C3orf70: variants seen among roughly 807,000 people sequenced by gnomAD.
C3orf70 encodes the protein chromosome 3 open reading frame 70, also known as UPF0524 protein C3orf70.
A neutral mutation model predicts 20.7 loss-of-function variants in C3orf70; 15 were observed. The observed-to-expected ratio is 0.72, with a 90% CI of 0.48 to 1.11. The LOEUF (loss-of-function observed/expected upper bound fraction) is 1.11. Among genes scored for constraint, C3orf70 ranks in the 50% most tolerant of loss-of-function variants. The pLI is 0.00. For missense variants in C3orf70, 332 were observed against 317.6 expected, an observed-to-expected ratio of 1.05 and a Z score of -0.34; for synonymous variants, 161 against 125.7, an observed-to-expected ratio of 1.28 and a Z score of -1.88.
At chr3:185,095,620 G>C (rs1410455247) in intron 1 of C3orf70, among the ~76,000 whole-genome samples, 1 of 151,784 alleles carries the variant, frequency 6.6e-6, no homozygotes, top group African/African-American at 2.4e-5. Flanking sequence ...GACTCAACAT[G>C]TTTACTGGTT....
At chr3:185,097,810 C>T (rs2108591355) in intron 1 of C3orf70, among the ~76,000 whole-genome samples, 1 of 152,334 alleles carries the variant, frequency 6.6e-6, no homozygotes, top group South Asian at 2.1e-4. Context: ...ACGTTCTAGA[C>T]AAAACTGGAG....
At position 185,088,837 on chromosome 3, in the gene C3orf70, T is replaced by A. The variant is rs1043438286; in HGVS notation, c.197-5274A>T. On this transcript the variant is annotated intron_variant, in intron 1 of 1. Transcript: ENST00000335012. ...TGGTGTTTGCCAAACTGATTTTTTT[T>A]AAACCACACACCATGATTCTTCAGA... 3.3e-5 allele frequency among the ~76,000 whole-genome samples: 5 copies of A among 152,344 alleles called. No homozygotes were observed. In the South Asian group the frequency reaches 1.0e-3, roughly 32 times the overall value.
chr3:185,113,573 C>T (rs939166301), intron 1 of C3orf70, among the ~76,000 whole-genome samples: 1 of 152,088 alleles, frequency 6.6e-6, no homozygotes, highest in Non-Finnish European at 1.5e-5. Context: ...CTAGTAAAAG[C>T]ATTTCTTGAA....
At chr3:185,136,765 A>C (rs1716633912) in intron 1 of C3orf70, among the ~76,000 whole-genome samples, 1 of 138,504 alleles carries the variant, frequency 7.2e-6, no homozygotes, top group Non-Finnish European at 1.6e-5. Flanking sequence ...CACAAAAATT[A>C]GCCGGGTATG....
At position 185,083,259 on chromosome 3, in the gene C3orf70, G is replaced by A. The variant is rs567520803; in HGVS notation, c.501C>T (p.Ala167=). The stretch of plus-strand genomic sequence containing the variant: ...GTGTATTGCTCTCTTTTGAAATTAA[G>A]GCATCGTGTGCAGAGACCTCCTCAG... ...MSPEEVSAHD[A]LISKESNTPK... is the part of the protein sequence containing the mutation. Residue 167 remains alanine (A), a synonymous_variant, in exon 2 of 2, where the codon GCC becomes GCT. Transcript: ENST00000335012. 6.2e-7 allele frequency: 1 copy of A among 1,614,194 alleles called. No homozygotes were observed. The highest frequency in any genetic ancestry group is 1.1e-5 in the South Asian group (1 of 91,080).
chr3:185,140,804 AG>A (rs1451807096), intron 1 of C3orf70, among the ~76,000 whole-genome samples: 5 of 148,664 alleles, frequency 3.4e-5, no homozygotes, highest in Non-Finnish European at 6.0e-5. Context: ...AAAAAAAAAA[AG>A]AAAAATACAA....
At position 185,122,098 on chromosome 3, in the gene C3orf70, CA is replaced by C. The variant is rs759419036; in HGVS notation, c.196+30529del. On this transcript the variant is annotated intron_variant, in intron 1 of 1. Transcript: ENST00000335012. ...TGGGTGACAGAGCGAGACTCCGTCT[CA>C]AAAAAAAAAAAAAAAAAGCAAGAGT... Among the ~76,000 whole-genome samples, 144 of 59,010 alleles carry C rather than the reference CA, an allele frequency of 2.4e-3. 1 individual carries two copies. Among genetic ancestry groups the C allele is most frequent in the Middle Eastern group, 0.018 (2 of 112 alleles). 38.7% of individuals were successfully genotyped at this position (59,010 alleles called of 152,430 possible).
rs1000069573 is a variant in C3orf70, at chr3:185,078,782, T to C, written c.*4225A>G. 2.0e-5 allele frequency: 3 copies of C among 152,192 alleles called. No homozygotes were observed. The highest frequency in any genetic ancestry group is 2.1e-4 in the South Asian group (1 of 4,836). The allele number at this position is 152,192 out of a possible 1,614,324, so 9.4% of individuals were successfully genotyped here. On this transcript the variant is annotated 3_prime_UTR_variant, in exon 2 of 2. Transcript: ENST00000335012. ...TTTTGCAAACAAGATGTGGGAATATTAAGAGCTGACTGTAGAAATATTTTA... is the reference window on the plus strand; with the variant it reads ...TTTTGCAAACAAGATGTGGGAATATCAAGAGCTGACTGTAGAAATATTTTA...
At chr3:185,105,365 G>A (rs1715912529) in intron 1 of C3orf70, among the ~76,000 whole-genome samples, 1 of 152,250 alleles carries the variant, frequency 6.6e-6, no homozygotes, top group Non-Finnish European at 1.5e-5. Context: ...GCCCACTCAG[G>A]GTGGAAAACC....
intron 1 of C3orf70, among the ~76,000 whole-genome samples, chr3:185,107,777 T>G (rs1402155955): frequency 6.6e-6 from 1 of 152,210 alleles, no homozygotes; most frequent in East Asian, 1.9e-4. Context: ...ACAACCTATG[T>G]GAGCATTACA....
intron 1 of C3orf70, among the ~76,000 whole-genome samples, chr3:185,091,889 A>G (rs1261122280): frequency 1.5e-5 from 1 of 65,164 alleles, no homozygotes; most frequent in African/African-American, 3.9e-5. Context: ...TAATATATAT[A>G]CACACATACA....
chr3:185,076,871 A>C lies in C3orf70; in HGVS notation c.*6136T>G, dbSNP rs1016585149. Among the ~76,000 whole-genome samples, 7 of 152,210 alleles carry C rather than the reference A, an allele frequency of 4.6e-5. No individual in the cohort carries two copies. The highest frequency in any genetic ancestry group is 8.8e-5 in the Non-Finnish European group (6 of 68,054). On this transcript the variant is annotated 3_prime_UTR_variant, in exon 2 of 2. Transcript: ENST00000335012. ...TAAATTAAAGTTTATTGCAGAATAA[A>C]AGTGTGTGCAGTCAGCATTTGTAAG... is the stretch of plus-strand genomic sequence containing the variant.
At position 185,147,139 on chromosome 3, in the gene C3orf70, T is replaced by A. The variant is rs2108608044; in HGVS notation, c.196+5489A>T. On this transcript the variant is annotated intron_variant, in intron 1 of 1. Coordinates refer to ENST00000335012, the MANE Select transcript of C3orf70 (RefSeq NM_001025266.3). Reference sequence around the variant, plus strand: ...TGCTGTGACAGTCTTTCTTTAGATATGCTAATACCACCTATTAGACTACAT... The same window carrying A: ...TGCTGTGACAGTCTTTCTTTAGATAAGCTAATACCACCTATTAGACTACAT... Among the ~76,000 whole-genome samples the A allele has an allele frequency of 1.3e-5, 2 of 152,344 alleles. 1 individual carries two copies. Among genetic ancestry groups the A allele is most frequent in the South Asian group, 4.1e-4 (2 of 4,824 alleles).
At chr3:185,144,403 TGGA>T (rs1716814612) in intron 1 of C3orf70, among the ~76,000 whole-genome samples, 1 of 152,226 alleles carries the variant, frequency 6.6e-6, no homozygotes, top group Non-Finnish European at 1.5e-5. Context: ...TTGCTTTTTT[TGGA>T]GGAGGGGCTG....
chr3:185,141,583 C>T (rs1368345341), intron 1 of C3orf70, among the ~76,000 whole-genome samples: 1 of 152,084 alleles, frequency 6.6e-6, no homozygotes. Flanking sequence ...TAAAAAGGAA[C>T]AAACTACTGA....
intron 1 of C3orf70, among the ~76,000 whole-genome samples, chr3:185,088,986 G>T: frequency 6.6e-6 from 1 of 152,200 alleles, no homozygotes; most frequent in Non-Finnish European, 1.5e-5. Flanking sequence ...AGCCTGAAGA[G>T]GGGAGGGTTT....
chr3:185,131,584 G>A (rs1716524771), intron 1 of C3orf70, among the ~76,000 whole-genome samples: 1 of 152,076 alleles, frequency 6.6e-6, no homozygotes, highest in Admixed American at 6.6e-5. Context: ...CTGACCAAAT[G>A]GTATACCAGG....
chr3:185,152,809 GGCC>G lies in C3orf70; in HGVS notation c.12_14del (p.Ala5del). Reference sequence around the variant, plus strand: ...TCCAACCCCGCTCCGACGCCGGCGAGGCCGCCGCACTCATTTCCTCTCCCTCCG... The same window carrying G: ...TCCAACCCCGCTCCGACGCCGGCGAGGCCGCACTCATTTCCTCTCCCTCCG... On this transcript the variant is annotated inframe_deletion, in exon 1 of 2. Coordinates refer to ENST00000335012, the MANE Select transcript of C3orf70 (RefSeq NM_001025266.3). The G allele has an allele frequency of 6.4e-7, 1 of 1,563,610 alleles. No homozygotes were observed. The highest frequency in any genetic ancestry group is 8.7e-7 in the Non-Finnish European group (1 of 1,153,246).
At chr3:185,097,993 A>G (rs1254643395) in intron 1 of C3orf70, among the ~76,000 whole-genome samples, 1 of 152,222 alleles carries the variant, frequency 6.6e-6, no homozygotes, top group Non-Finnish European at 1.5e-5. Flanking sequence ...TCAAGACCAA[A>G]TAAGATTTCC....
Sources: gnomAD v4.1 joint callset for allele counts (sites outside exome capture counted in the v4.1 genomes callset) on GRCh38, gnomAD v4.1.1 for gene constraint, MANE v1.5 for transcripts, NCBI Gene and HGNC (gene_info 2026-07-23, HGNC 2026-07-21) for gene names.